Variants in ASIC2 observed in about 807,000 individuals in gnomAD.
ASIC2 encodes the protein acid sensing ion channel subunit 2.
Under a neutral mutation model 57.3 loss-of-function variants are expected in ASIC2, and 25 were observed. That is an observed-to-expected ratio of 0.44 (90% confidence interval 0.32 to 0.61). The LOEUF is 0.61. Among genes scored for constraint, ASIC2 ranks in the 20% least tolerant of loss-of-function variants. The probability of loss-of-function intolerance (pLI) is 0.06; values close to 1 mark genes in which losing one functional copy is unlikely to be tolerated. For missense variants in ASIC2, 641 were observed against 738.1 expected (o/e 0.87, Z 1.52); for synonymous variants, 319 against 307.5 (o/e 1.04, Z -0.39).
chr17:33,472,098 C>T (rs1039411916), intron 1 of ASIC2, among the ~76,000 whole-genome samples: 14 of 151,054 alleles, frequency 9.3e-5, no homozygotes, highest in African/African-American at 3.4e-4. Context: ...TGGCTCACTG[C>T]AACCTCCACC....
At chr17:33,625,173 A>ATCTG (rs1567672728) in intron 1 of ASIC2, among the ~76,000 whole-genome samples, 22 of 148,860 alleles carry the variant, frequency 1.5e-4, no homozygotes, top group African/African-American at 5.4e-4. Flanking sequence ...CTATCTATCT[A>ATCTG]TCATCTATTA....
At chr17:33,177,220 C>T (rs1905795624) in intron 1 of ASIC2, among the ~76,000 whole-genome samples, 1 of 152,168 alleles carries the variant, frequency 6.6e-6, no homozygotes, top group Non-Finnish European at 1.5e-5. Flanking sequence ...CTCTGATCTG[C>T]TTAATGAATC....
chr17:33,795,549 C>T (rs1323452614), intron 1 of ASIC2, among the ~76,000 whole-genome samples: 1 of 152,206 alleles, frequency 6.6e-6, no homozygotes, highest in Non-Finnish European at 1.5e-5. Flanking sequence ...GGGGTCCCTC[C>T]AGTGTCAACC....
chr17:33,823,913 G>A (rs1192565176), intron 1 of ASIC2, among the ~76,000 whole-genome samples: 2 of 152,184 alleles, frequency 1.3e-5, no homozygotes, highest in Non-Finnish European at 2.9e-5. Flanking sequence ...TATATTCTAT[G>A]GATGTGCCAT....
At chr17:33,558,410 C>T (rs1477196009) in intron 1 of ASIC2, among the ~76,000 whole-genome samples, 1 of 152,162 alleles carries the variant, frequency 6.6e-6, no homozygotes, top group East Asian at 1.9e-4. Context: ...GGCTGATGAC[C>T]TTGAACTTTT....
chr17:33,118,725 G>T (rs920368306), intron 1 of ASIC2, among the ~76,000 whole-genome samples: 1 of 152,166 alleles, frequency 6.6e-6, no homozygotes, highest in Non-Finnish European at 1.5e-5. Flanking sequence ...CCCAGGTCAC[G>T]CAGCTAATCT....
At position 34,137,977 on chromosome 17, in the gene ASIC2, C is replaced by CT. The variant is rs57547492; in HGVS notation, c.555+18000dup. On this transcript the variant is annotated intron_variant, in intron 1 of 9. Transcript: ENST00000359872. ...GTGGGGGACCCAAACATTTAGACCC[C>CT]TTTGCACCCACAAGTCCCACCTTCT... Among the ~76,000 whole-genome samples the CT allele has an allele frequency of 9.0e-3, 1,372 of 152,272 alleles. 18 individuals are homozygous for CT. Among genetic ancestry groups the CT allele is most frequent in the African/African-American group, 0.032 (1,318 of 41,550 alleles).
intron 2 of ASIC2, among the ~76,000 whole-genome samples, chr17:33,099,730 C>G (rs954720631): frequency 3.9e-5 from 6 of 152,082 alleles, no homozygotes; most frequent in Admixed American, 1.3e-4. Flanking sequence ...GAAATGCCAT[C>G]AGAAAGTGTC....
At chr17:33,298,910 C>G (rs533719905) in intron 1 of ASIC2, among the ~76,000 whole-genome samples, 3 of 152,282 alleles carry the variant, frequency 2.0e-5, no homozygotes, top group African/African-American at 7.2e-5. Context: ...TCAAGGAGAA[C>G]TACAAACCAC....
At chr17:34,111,657 C>A (rs914968779) in intron 1 of ASIC2, among the ~76,000 whole-genome samples, 1 of 152,104 alleles carries the variant, frequency 6.6e-6, no homozygotes, top group African/African-American at 2.4e-5. Flanking sequence ...TGATATGGCA[C>A]CATTATTATA....
intron 1 of ASIC2, among the ~76,000 whole-genome samples, chr17:33,779,988 T>TTTTTC (rs3064580): frequency 6.7e-6 from 1 of 148,296 alleles, no homozygotes; most frequent in African/African-American, 2.5e-5. Flanking sequence ...TTTTTTTTTT[T>TTTTTC]GAGACAGAGT....
At chr17:33,579,779 A>G (rs892170219) in intron 1 of ASIC2, among the ~76,000 whole-genome samples, 4 of 152,160 alleles carry the variant, frequency 2.6e-5, no homozygotes, top group Non-Finnish European at 5.9e-5. Flanking sequence ...AGAGCAAAAG[A>G]ACAAACTACC....
intron 1 of ASIC2, among the ~76,000 whole-genome samples, chr17:34,016,611 G>C (rs1906991145): frequency 1.3e-5 from 2 of 152,100 alleles, no homozygotes; most frequent in African/African-American, 2.4e-5. Flanking sequence ...TAAAAAAGGA[G>C]ATGGTTATAG....
At chr17:34,047,833 A>G (rs1483762631) in intron 1 of ASIC2, among the ~76,000 whole-genome samples, 1 of 152,182 alleles carries the variant, frequency 6.6e-6, no homozygotes, top group Non-Finnish European at 1.5e-5. Flanking sequence ...CTGAAGATAA[A>G]CTTGTAAAAG....
intron 1 of ASIC2, among the ~76,000 whole-genome samples, chr17:33,541,890 A>T (rs1325682726): frequency 1.3e-5 from 2 of 152,184 alleles, no homozygotes; most frequent in Non-Finnish European, 2.9e-5. Flanking sequence ...GACCCACTGG[A>T]CAAGAGTTTG....
chr17:33,851,268 G>A (rs1032870590), intron 1 of ASIC2, among the ~76,000 whole-genome samples: 9 of 152,008 alleles, frequency 5.9e-5, no homozygotes, highest in African/African-American at 2.2e-4. Context: ...CTAGGCAGAG[G>A]GTCCCTAGTA....
chr17:33,056,521 C>G (rs1241608388), intron 3 of ASIC2, among the ~76,000 whole-genome samples: 1 of 152,162 alleles, frequency 6.6e-6, no homozygotes, highest in Non-Finnish European at 1.5e-5. Context: ...TTGGGACTCT[C>G]TGTGAACCTT....
rs566117986 is a variant in ASIC2 at position 33,885,380 on chromosome 17, A to G, written c.555+270598T>C. ...CTAAGCACAGTGTTAAGAACAAAGC[A>G]AGCTCTCAAAAACGTGATCAGGTGT... is the stretch of plus-strand genomic sequence containing the variant. On this transcript the variant is annotated intron_variant, in intron 1 of 9. Coordinates refer to the ASIC2 transcript ENST00000359872. 7.2e-5 allele frequency among the ~76,000 whole-genome samples: 11 copies of G among 152,338 alleles called. No individual in the cohort carries two copies. In the South Asian group the frequency reaches 2.3e-3, roughly 32 times the overall value.
intron 1 of ASIC2, among the ~76,000 whole-genome samples, chr17:34,065,546 A>G (rs1909140969): frequency 6.6e-6 from 1 of 152,166 alleles, no homozygotes; most frequent in South Asian, 2.1e-4. Flanking sequence ...TTAAAAAAGC[A>G]ATTTTATCTG....
Sources: allele counts gnomAD v4.1 joint callset (sites outside exome capture counted in the v4.1 genomes callset), GRCh38; gene constraint gnomAD v4.1.1; transcripts MANE v1.5; gene names NCBI Gene and HGNC (gene_info 2026-07-23, HGNC 2026-07-21).